C7orf78: variants seen among roughly 807,000 people sequenced by gnomAD.
C7orf78 encodes the protein putative uncharacterized protein C7orf78.
chr7:12,502,521 A>T, the C7orf78 span, among the ~76,000 whole-genome samples: 1 of 150,260 alleles, frequency 6.7e-6, no homozygotes, highest in African/African-American at 2.4e-5. Context: ...TGCAAATCAA[A>T]ACCACAATGA....
chr7:12,508,132 A>G, the C7orf78 span, among the ~76,000 whole-genome samples: 1 of 152,240 alleles, frequency 6.6e-6, no homozygotes, highest in Middle Eastern at 3.2e-3. Context: ...AATTCTAAGT[A>G]TAAAACTCTT....
chr7:12,504,631 T>C, the C7orf78 span: 20 of 152,168 alleles, frequency 1.3e-4, no homozygotes, highest in Non-Finnish European at 2.9e-5. Flanking sequence ...ACTGACTAGC[T>C]CTTTGGAGCC....
the C7orf78 span, among the ~76,000 whole-genome samples, chr7:12,492,648 T>C: frequency 6.6e-6 from 1 of 152,202 alleles, no homozygotes; most frequent in Non-Finnish European, 1.5e-5. Context: ...GAAAGAATGT[T>C]GAGGAGGTTG....
chr7:12,505,380 T>C, the C7orf78 span, among the ~76,000 whole-genome samples: 48 of 152,094 alleles, frequency 3.2e-4, no homozygotes, highest in African/African-American at 1.1e-3. Flanking sequence ...TATTTTATAA[T>C]CTAATTAGGA....
At chr7:12,530,101 C>T in the C7orf78 span, among the ~76,000 whole-genome samples, 1 of 152,122 alleles carries the variant, frequency 6.6e-6, no homozygotes, top group Non-Finnish European at 1.5e-5. Context: ...AGTCCCGCCT[C>T]CTACCTCAGA....
chr7:12,533,752 G>A, the C7orf78 span, among the ~76,000 whole-genome samples: 158 of 152,022 alleles, frequency 1.0e-3, no homozygotes, highest in Admixed American at 1.7e-3. Context: ...TCCTGACCTC[G>A]TGATCCACCT....
the C7orf78 span, among the ~76,000 whole-genome samples, chr7:12,536,416 G>A: frequency 6.6e-6 from 1 of 152,108 alleles, no homozygotes; most frequent in Non-Finnish European, 1.5e-5. Context: ...TCCCTAGGCT[G>A]CACACAGCAC....
At chr7:12,538,031 A>C in the C7orf78 span, among the ~76,000 whole-genome samples, 2 of 152,190 alleles carry the variant, frequency 1.3e-5, no homozygotes. Context: ...GGAGTACAAT[A>C]ACCTTCTGGG....
the C7orf78 span, among the ~76,000 whole-genome samples, chr7:12,497,526 C>T: frequency 3.3e-5 from 5 of 152,140 alleles, no homozygotes; most frequent in South Asian, 6.2e-4. Context: ...GCTTTTCCCA[C>T]GGGCTTAAAA....
chr7:12,501,329 A>G, the C7orf78 span, among the ~76,000 whole-genome samples: 3 of 145,788 alleles, frequency 2.1e-5, no homozygotes, highest in Non-Finnish European at 3.0e-5. Flanking sequence ...TATCTAGAAA[A>G]CCCCATTGTC....
the C7orf78 span, among the ~76,000 whole-genome samples, chr7:12,526,621 T>C: frequency 6.6e-6 from 1 of 152,216 alleles, no homozygotes; most frequent in Admixed American, 6.5e-5. Flanking sequence ...AGATAATTTA[T>C]TTACAAATAT....
the C7orf78 span, among the ~76,000 whole-genome samples, chr7:12,518,532 G>A: frequency 4.6e-5 from 7 of 152,266 alleles, no homozygotes; most frequent in South Asian, 2.1e-4. Flanking sequence ...ACCCCTCCCC[G>A]AGCTCCTAGA....
At chr7:12,484,160 CA>C in the C7orf78 span, 1 of 152,098 alleles carries the variant, frequency 6.6e-6, no homozygotes, top group Non-Finnish European at 1.5e-5. Flanking sequence ...CTTCTTGAAG[CA>C]ATTTGTTTTT....
At chr7:12,520,087 C>T in the C7orf78 span, among the ~76,000 whole-genome samples, 1 of 152,200 alleles carries the variant, frequency 6.6e-6, no homozygotes, top group Non-Finnish European at 1.5e-5. Flanking sequence ...GGATGTAAGC[C>T]AATGAGGGTA....
At chr7:12,501,819 T>A in the C7orf78 span, among the ~76,000 whole-genome samples, 1 of 123,320 alleles carries the variant, frequency 8.1e-6, no homozygotes, top group Non-Finnish European at 1.7e-5. Context: ...TCACACTACC[T>A]GACTTCAAAC....
the C7orf78 span, among the ~76,000 whole-genome samples, chr7:12,499,289 C>T: frequency 1.3e-5 from 2 of 152,004 alleles, no homozygotes; most frequent in Non-Finnish European, 2.9e-5. Flanking sequence ...CACAGACTGG[C>T]AAATTGGATA....
chr7:12,494,169 AGGC>A, the C7orf78 span, among the ~76,000 whole-genome samples: 1 of 152,154 alleles, frequency 6.6e-6, no homozygotes, highest in South Asian at 2.1e-4. Context: ...AGGGACCAAG[AGGC>A]TGAAAGGTGA....
the C7orf78 span, among the ~76,000 whole-genome samples, chr7:12,529,677 C>T: frequency 6.6e-6 from 1 of 152,178 alleles, no homozygotes; most frequent in Non-Finnish European, 1.5e-5. Context: ...AAATGCAGGA[C>T]ATCTCGAAGT....
At chr7:12,533,818 C>A in the C7orf78 span, among the ~76,000 whole-genome samples, 1 of 152,086 alleles carries the variant, frequency 6.6e-6, no homozygotes, top group East Asian at 1.9e-4. Context: ...ACCTAGCCCC[C>A]AGCCACCAAA....
Sources: allele counts gnomAD v4.1 joint callset (sites outside exome capture counted in the v4.1 genomes callset), GRCh38; gene constraint gnomAD v4.1.1; transcripts MANE v1.5; gene names NCBI Gene and HGNC (gene_info 2026-07-23, HGNC 2026-07-21).